The following CERS3 variants were observed in gnomAD, a reference collection of about 807,000 sequenced individuals.
The protein encoded by CERS3 is LAG1 homolog, ceramide synthase 3.
In CERS3, 33 loss-of-function variants were observed where a neutral mutation model predicts 50.3. That is an observed-to-expected ratio of 0.66 (90% CI 0.50 to 0.88). The LOEUF is 0.88. Ranked by LOEUF, CERS3 falls within the 40% of genes least tolerant of loss-of-function variation. CERS3 has a pLI of 0.00. For missense variants in CERS3, 470 were observed against 460.3 expected (o/e 1.02, Z -0.19); for synonymous variants, 176 against 155.2 (o/e 1.13, Z -0.99).
At chr15:100,437,381 G>A (rs2033466530) in intron 11 of CERS3, among the ~76,000 whole-genome samples, 1 of 152,200 alleles carries the variant, frequency 6.6e-6, no homozygotes. Flanking sequence ...CTTCTTGGAT[G>A]TTACAGACTT....
At chr15:100,427,118 C>A (rs1217531641) in intron 11 of CERS3, among the ~76,000 whole-genome samples, 1 of 152,192 alleles carries the variant, frequency 6.6e-6, no homozygotes, top group African/African-American at 2.4e-5. Flanking sequence ...GGGTGTGTGC[C>A]CCACTGGCTG....
chr15:100,502,702 T>G (rs1008850959), intron 2 of CERS3, among the ~76,000 whole-genome samples: 18 of 152,184 alleles, frequency 1.2e-4, no homozygotes, highest in African/African-American at 4.3e-4. Flanking sequence ...TGCTGAGCAC[T>G]GAGGATAAAA....
intron 1 of CERS3, among the ~76,000 whole-genome samples, chr15:100,525,720 G>C (rs2036768677): frequency 6.6e-6 from 1 of 152,096 alleles, no homozygotes; most frequent in African/African-American, 2.4e-5. Flanking sequence ...TAGACTTTTA[G>C]CTTCATTTAT....
At chr15:100,504,080 T>C (rs1347205216) in intron 2 of CERS3, among the ~76,000 whole-genome samples, 1 of 151,484 alleles carries the variant, frequency 6.6e-6, no homozygotes, top group East Asian at 1.9e-4. Flanking sequence ...CCAATGTCCT[T>C]CAGAAAGATC....
At chr15:100,507,731 G>T (rs2036225555) in intron 2 of CERS3, among the ~76,000 whole-genome samples, 2 of 152,240 alleles carry the variant, frequency 1.3e-5, no homozygotes, top group Admixed American at 1.3e-4. Flanking sequence ...TGCTGGCATT[G>T]GCCTGACCTT....
intron 5 of CERS3, among the ~76,000 whole-genome samples, chr15:100,483,787 A>ATTTATTTT (rs1555530337): frequency 2.4e-4 from 24 of 100,040 alleles, no homozygotes; most frequent in Non-Finnish European, 3.8e-4. Context: ...TATTATTATT[A>ATTTATTTT]TTTTTTTTTT....
At chr15:100,407,771 A>C (rs1412804034) in intron 11 of CERS3, among the ~76,000 whole-genome samples, 1 of 152,250 alleles carries the variant, frequency 6.6e-6, no homozygotes, top group African/African-American at 2.4e-5. Context: ...ACATGGTATT[A>C]GGTATTGTAA....
intron 1 of CERS3, among the ~76,000 whole-genome samples, chr15:100,541,546 T>C (rs2037202827): frequency 1.3e-5 from 2 of 152,210 alleles, no homozygotes; most frequent in South Asian, 2.1e-4. Flanking sequence ...GAAACTGGAA[T>C]CTTTGTTTTT....
chr15:100,408,169 G>C (rs2031209441), intron 11 of CERS3, among the ~76,000 whole-genome samples: 1 of 152,190 alleles, frequency 6.6e-6, no homozygotes, highest in East Asian at 1.9e-4. Flanking sequence ...ACCACACTCG[G>C]CCAATTTTAT....
intron 1 of CERS3, among the ~76,000 whole-genome samples, chr15:100,525,642 T>G (rs2036765070): frequency 6.6e-6 from 1 of 152,202 alleles, no homozygotes. Context: ...AGGTCAAAGA[T>G]TCTTAATCTC....
rs1268639745 is a variant in CERS3 at position 100,419,058 on chromosome 15, C to G, written c.1000-16193G>C. ...AAATCACCAGCTAACATCATAATGA[C>G]AGGATCAAATTCACACATAACAATA... On this transcript the variant is annotated intron_variant, in intron 11 of 11. Coordinates refer to ENST00000679737, the MANE Select transcript of CERS3 (RefSeq NM_001378789.1). Among the ~76,000 whole-genome samples the G allele has an allele frequency of 4.6e-3, 529 of 116,112 alleles. 5 individuals carry two copies. The highest frequency in any genetic ancestry group is 0.015 in the African/African-American group (510 of 33,056). The allele number at this position is 116,112 out of a possible 152,430, so 76.2% of individuals were successfully genotyped here.
At chr15:100,438,904 C>T (rs1488685884) in intron 11 of CERS3, among the ~76,000 whole-genome samples, 3 of 152,232 alleles carry the variant, frequency 2.0e-5, no homozygotes, top group Admixed American at 1.3e-4. Context: ...TAAGGATGAT[C>T]AAGTCCTCTT....
At chr15:100,540,544 A>T (rs1225856327) in intron 1 of CERS3, among the ~76,000 whole-genome samples, 1 of 152,188 alleles carries the variant, frequency 6.6e-6, no homozygotes, top group Non-Finnish European at 1.5e-5. Flanking sequence ...ACTCTCTCTC[A>T]AATAAAAAAA....
chr15:100,467,218 C>A (rs1313757157), intron 10 of CERS3, among the ~76,000 whole-genome samples: 1 of 151,962 alleles, frequency 6.6e-6, no homozygotes, highest in Non-Finnish European at 1.5e-5. Flanking sequence ...ACTGCCCAGC[C>A]GCCATATAAC....
chr15:100,433,675 C>T (rs1446474338), intron 11 of CERS3, among the ~76,000 whole-genome samples: 1 of 152,218 alleles, frequency 6.6e-6, no homozygotes, highest in African/African-American at 2.4e-5. Flanking sequence ...TGTGGAAGCC[C>T]AGGGTATCCC....
chr15:100,479,112 A>T (rs2035222784), intron 7 of CERS3, among the ~76,000 whole-genome samples: 1 of 152,156 alleles, frequency 6.6e-6, no homozygotes. Context: ...AAAGAATAGT[A>T]TTTTTTTTAA....
chr15:100,467,846 TATATATAG>T (rs1200270314), intron 10 of CERS3, among the ~76,000 whole-genome samples: 1 of 39,072 alleles, frequency 2.6e-5, no homozygotes, highest in Non-Finnish European at 6.5e-5. Context: ...TGTATATATA[TATATATAG>T]ATAGATAGAT....
intron 11 of CERS3, among the ~76,000 whole-genome samples, chr15:100,447,142 A>G (rs1266549092): frequency 6.6e-6 from 1 of 152,196 alleles, no homozygotes; most frequent in Non-Finnish European, 1.5e-5. Flanking sequence ...GAGAGAATGA[A>G]TTAACAGTCT....
intron 11 of CERS3, among the ~76,000 whole-genome samples, chr15:100,453,924 C>A (rs924947594): frequency 1.3e-5 from 2 of 152,070 alleles, no homozygotes; most frequent in African/African-American, 2.4e-5. Flanking sequence ...ATAAATTTAA[C>A]CAAGGAGGTA....
Sources: gnomAD v4.1 joint callset for allele counts (sites outside exome capture counted in the v4.1 genomes callset) on GRCh38, gnomAD v4.1.1 for gene constraint, MANE v1.5 for transcripts, NCBI Gene and HGNC (gene_info 2026-07-23, HGNC 2026-07-21) for gene names.